SFXN2: variants seen among roughly 807,000 people sequenced by gnomAD.
The protein encoded by SFXN2 is sideroflexin-2.
A neutral mutation model predicts 41.9 loss-of-function variants in SFXN2; 37 were observed. That is an observed-to-expected ratio of 0.88 (90% confidence interval 0.68 to 1.16). SFXN2 has a LOEUF of 1.16. Ranked by LOEUF, SFXN2 falls within the 50% of genes most tolerant of loss-of-function variation. The pLI is 0.00. For missense variants in SFXN2, 386 were observed against 425.2 expected (o/e 0.91, Z 0.81); for synonymous variants, 150 against 156.7 (o/e 0.96, Z 0.32).
At chr10:102,725,498 G>A (rs1423079432) in intron 1 of SFXN2, among the ~76,000 whole-genome samples, 3 of 152,134 alleles carry the variant, frequency 2.0e-5, no homozygotes, top group Non-Finnish European at 4.4e-5. Context: ...GAGGTTGGAG[G>A]ATTGCTTGAG....
intron 1 of SFXN2, among the ~76,000 whole-genome samples, chr10:102,719,397 T>C (rs1288736726): frequency 1.4e-5 from 2 of 145,420 alleles, no homozygotes; most frequent in East Asian, 4.0e-4. Flanking sequence ...AATTTTTGTA[T>C]TTTTTTTTTT....
chr10:102,715,167 G>A (rs1355697982), intron 1 of SFXN2: 1 of 152,356 alleles, frequency 6.6e-6, no homozygotes, highest in Admixed American at 6.5e-5. Context: ...CGAGTAGCTG[G>A]GATTGCAGGC....
intron 9 of SFXN2, 48 bp from the exon 10 acceptor site, chr10:102,733,506 A>T (rs757624049): frequency 2.0e-6 from 3 of 1,508,092 alleles, no homozygotes; most frequent in Non-Finnish European, 2.8e-6. Context: ...GTTCACCTTA[A>T]GGCATAGAAG....
rs2254198 is a variant in SFXN2 at position 102,739,463 on chromosome 10, T to C, written c.*1701T>C. 149,837 of 152,328 alleles carry C rather than the reference T, an allele frequency of 0.98. 73,726 individuals carry two copies. Among genetic ancestry groups the C allele is most frequent in the East Asian group, 1 (5,175 of 5,180 alleles). The allele number at this position is 152,328 out of a possible 1,614,324, so 9.4% of individuals were successfully genotyped here. A position where few individuals can be genotyped will look rare whatever the true frequency, so the allele number is the denominator to read the frequency against. ...CCACCTGCCACCTGTTTTTGTGCAATTGGAAGCTAAGAATGTTTTTACATT... is the reference window on the plus strand; with the variant it reads ...CCACCTGCCACCTGTTTTTGTGCAACTGGAAGCTAAGAATGTTTTTACATT... On this transcript the variant is annotated 3_prime_UTR_variant, in exon 12 of 12. Coordinates refer to ENST00000369893, the MANE Select transcript of SFXN2 (RefSeq NM_178858.6).
Position 102,740,110 on chromosome 10 carries a change from A to G in SFXN2, c.*2348A>G, listed in dbSNP as rs983324176. 6.6e-6 allele frequency: 1 copy of G among 152,206 alleles called. No homozygotes were observed. Among genetic ancestry groups the G allele is most frequent in the African/African-American group, 2.4e-5 (1 of 41,456 alleles). The allele number at this position is 152,206 out of a possible 1,614,324, so 9.4% of individuals were successfully genotyped here. A position where few individuals can be genotyped will look rare whatever the true frequency, so the allele number is the denominator to read the frequency against. ...GGAAAGGGCCTCCTCCCCGAGGCCA[A>G]GGAATTCACTGCAACTTGATTTTTC... On this transcript the variant is annotated 3_prime_UTR_variant, in exon 12 of 12. Transcript: ENST00000369893.
intron 11 of SFXN2, 103 bp downstream of exon 11, chr10:102,736,012 C>A: frequency 8.9e-7 from 1 of 1,126,774 alleles, no homozygotes; most frequent in Non-Finnish European, 1.4e-6. Context: ...GCAGGAAGGG[C>A]AGCACCTGTC....
At chr10:102,723,057 C>A (rs939829095) in intron 1 of SFXN2, among the ~76,000 whole-genome samples, 6 of 149,766 alleles carry the variant, frequency 4.0e-5, no homozygotes, top group Admixed American at 6.7e-5. Context: ...TCAGCCTCCC[C>A]AGTAGCTGGG....
rs1056777959 is a variant in SFXN2, at chr10:102,737,905, T to C, written c.*143T>C. 1 of 572,826 alleles carries C rather than the reference T, an allele frequency of 1.7e-6. No homozygotes were observed. The highest frequency in any genetic ancestry group is 3.1e-5 in the Admixed American group (1 of 32,734). 35.5% of individuals were successfully genotyped at this position (572,826 alleles called of 1,614,324 possible). A position where few individuals can be genotyped will look rare whatever the true frequency, so the allele number is the denominator to read the frequency against. On this transcript the variant is annotated 3_prime_UTR_variant, in exon 12 of 12. Transcript: ENST00000369893. Reference sequence around the variant, plus strand: ...GGGGGGTGGGACAATGAATGCCTCATACTTACACCCTGGTACTGGTTGATT... The same window carrying C: ...GGGGGGTGGGACAATGAATGCCTCACACTTACACCCTGGTACTGGTTGATT...
chr10:102,726,658 T>C lies in SFXN2; in HGVS notation c.22T>C (p.Phe8Leu). 6.2e-7 allele frequency: 1 copy of C among 1,614,168 alleles called. No individual in the cohort carries two copies. The highest frequency in any genetic ancestry group is 8.5e-7 in the Non-Finnish European group (1 of 1,180,000). Reference protein sequence around the residue: MEADLSGFNIDAPRWDQR... With the variant: MEADLSGLNIDAPRWDQR... ...CAAGATGGAGGCTGACCTGTCTGGC[T>C]TTAACATCGATGCCCCCCGTTGGGA... The change falls in exon 2 of 12, where the codon TTT becomes CTT. Residue 8 changes from phenylalanine (F) to leucine (L), a missense_variant. Transcript: ENST00000369893.
At chr10:102,717,977 A>G (rs1350790934) in intron 1 of SFXN2, among the ~76,000 whole-genome samples, 1 of 152,232 alleles carries the variant, frequency 6.6e-6, no homozygotes, top group Admixed American at 6.5e-5. Context: ...TATATATCAC[A>G]GAAGGATTTG....
intron 8 of SFXN2, 40 bp downstream of exon 8, chr10:102,732,258 A>G: frequency 1.3e-6 from 2 of 1,586,156 alleles, no homozygotes; most frequent in South Asian, 1.1e-5. Flanking sequence ...GAAGCCTGTG[A>G]CACAGGGTGG....
chr10:102,719,507 G>A (rs2064475592), intron 1 of SFXN2, among the ~76,000 whole-genome samples: 1 of 152,088 alleles, frequency 6.6e-6, no homozygotes, highest in African/African-American at 2.4e-5. Flanking sequence ...GGGATTACAG[G>A]TGTGAGCCAC....
chr10:102,737,209 A>G (rs1247821976), intron 11 of SFXN2, among the ~76,000 whole-genome samples: 1 of 152,152 alleles, frequency 6.6e-6, no homozygotes, highest in Non-Finnish European at 1.5e-5. Flanking sequence ...GAGGGCTGAC[A>G]ACCGAAACCC....
At chr10:102,729,443 G>A (rs780046288) in intron 5 of SFXN2, 49 bp downstream of exon 5, 2 of 1,599,378 alleles carry the variant, frequency 1.3e-6, no homozygotes, top group Non-Finnish European at 1.7e-6. Flanking sequence ...GGGCAGCAGA[G>A]TCCTAGGGAA....
At chr10:102,726,353 C>G in intron 1 of SFXN2, 1 of 390,320 alleles carries the variant, frequency 2.6e-6, no homozygotes, top group Admixed American at 4.0e-5. Flanking sequence ...TCTCCAAGCA[C>G]AGGCACTGTA....
intron 1 of SFXN2, among the ~76,000 whole-genome samples, chr10:102,722,419 G>A (rs2064521908): frequency 6.6e-6 from 1 of 152,126 alleles, no homozygotes; most frequent in Non-Finnish European, 1.5e-5. Flanking sequence ...GGATTTCTCT[G>A]ATCCATAAAC....
chr10:102,736,661 C>T (rs997119796), intron 11 of SFXN2, among the ~76,000 whole-genome samples: 28 of 151,646 alleles, frequency 1.8e-4, no homozygotes, highest in Non-Finnish European at 2.9e-4. Flanking sequence ...GTGATCCGCC[C>T]GCCTCAGCCT....
At chr10:102,736,725 T>C (rs2064785485) in intron 11 of SFXN2, among the ~76,000 whole-genome samples, 1 of 151,340 alleles carries the variant, frequency 6.6e-6, no homozygotes, top group Admixed American at 6.6e-5. Flanking sequence ...TCATTTTGTA[T>C]TTTTAGTAGA....
intron 1 of SFXN2, among the ~76,000 whole-genome samples, chr10:102,723,999 G>A (rs2064550997): frequency 6.6e-6 from 1 of 152,058 alleles, no homozygotes; most frequent in African/African-American, 2.4e-5. Context: ...CCTCAAGTGA[G>A]CCCCAGTGGG....
Sources: allele counts gnomAD v4.1 joint callset (sites outside exome capture counted in the v4.1 genomes callset), GRCh38; gene constraint gnomAD v4.1.1; transcripts MANE v1.5; gene names NCBI Gene and HGNC (gene_info 2026-07-23, HGNC 2026-07-21).